Variants in UGT1A8 observed in about 807,000 individuals in gnomAD.
UGT1A8 encodes the protein UDP-glucuronosyltransferase 1A8.
A neutral mutation model predicts 45.3 loss-of-function variants in UGT1A8; 39 were observed. The observed-to-expected ratio is 0.86, with a 90% CI of 0.67 to 1.12. UGT1A8 has a LOEUF of 1.12. Ranked by LOEUF, UGT1A8 falls within the 50% of genes most tolerant of loss-of-function variation. The pLI is 0.00. For synonymous variants in UGT1A8, 275 were observed against 249.2 expected, an observed-to-expected ratio of 1.10 and a Z score of -0.97; for missense variants, 719 against 664.9, an observed-to-expected ratio of 1.08 and a Z score of -0.90.
At chr2:233,678,927 G>A (rs1490462995) in intron 1 of UGT1A8, among the ~76,000 whole-genome samples, 1 of 152,098 alleles carries the variant, frequency 6.6e-6, no homozygotes, top group Non-Finnish European at 1.5e-5. Context: ...TGCAACATCT[G>A]GTCACAGTTT....
chr2:233,748,129 T>C, intron 1 of UGT1A8: 1 of 1,610,122 alleles, frequency 6.2e-7, no homozygotes, highest in Non-Finnish European at 8.5e-7. Flanking sequence ...AAACAGTTTT[T>C]AAAAATTGTA....
chr2:233,689,372 G>A (rs2074939613), intron 1 of UGT1A8, among the ~76,000 whole-genome samples: 1 of 152,256 alleles, frequency 6.6e-6, no homozygotes, highest in Non-Finnish European at 1.5e-5. Context: ...AGGGCACAAA[G>A]CAAGGAGTGT....
At chr2:233,755,393 A>C in intron 1 of UGT1A8, 1 of 341,520 alleles carries the variant, frequency 2.9e-6, no homozygotes, top group South Asian at 2.4e-5. Context: ...TGACGCAGCC[A>C]CATCTCATTG....
chr2:233,675,295 C>T (rs1028669928), intron 1 of UGT1A8, among the ~76,000 whole-genome samples: 3 of 152,086 alleles, frequency 2.0e-5, no homozygotes, highest in Non-Finnish European at 4.4e-5. Context: ...TACATTCCAG[C>T]GTTCTAATGT....
At chr2:233,682,184 C>G in intron 1 of UGT1A8, 1 of 1,614,234 alleles carries the variant, frequency 6.2e-7, no homozygotes, top group Non-Finnish European at 8.5e-7. Context: ...CTCATACACT[C>G]TGGAGGATCA....
chr2:233,754,888 TC>T (rs1267337682), intron 1 of UGT1A8: 34 of 1,351,412 alleles, frequency 2.5e-5, no homozygotes, highest in Non-Finnish European at 3.4e-5. Flanking sequence ...CCCAGGGAGT[TC>T]CTCTGACCCC....
chr2:233,638,695 T>A (rs1170475089), intron 1 of UGT1A8, among the ~76,000 whole-genome samples: 1 of 152,186 alleles, frequency 6.6e-6, no homozygotes, highest in Non-Finnish European at 1.5e-5. Context: ...CACATTTTTA[T>A]GTATTGTTCT....
chr2:233,703,766 C>T (rs1275081349), intron 1 of UGT1A8, among the ~76,000 whole-genome samples: 1 of 151,886 alleles, frequency 6.6e-6, no homozygotes, highest in Non-Finnish European at 1.5e-5. Context: ...CTTCTGCAGA[C>T]AAGATATTAT....
In UGT1A8 at chr2:233,669,372, T is replaced by C. The variant is rs116496121; in HGVS notation, c.855+50810T>C. On this transcript the variant is annotated intron_variant, in intron 1 of 4. Transcript: ENST00000373450. ...AAAAGATAGCCTGCTGGAATTTAGA[T>C]TGGGGTTGTATTAAATTTATAGATC... Among the ~76,000 whole-genome samples the C allele has an allele frequency of 1.2e-4, 19 of 152,158 alleles. 1 individual carries two copies. Among genetic ancestry groups the C allele is most frequent in the Admixed American group, 1.2e-3 (19 of 15,278 alleles).
At chr2:233,760,612 G>C in intron 1 of UGT1A8, 1 of 1,614,218 alleles carries the variant, frequency 6.2e-7, no homozygotes, top group South Asian at 1.1e-5. Flanking sequence ...CCTGCAGCGT[G>C]TGATCAAAAC....
intron 1 of UGT1A8, among the ~76,000 whole-genome samples, chr2:233,655,562 A>G (rs2073835813): frequency 6.6e-6 from 1 of 152,168 alleles, no homozygotes; most frequent in South Asian, 2.1e-4. Flanking sequence ...AGATAAAGTC[A>G]TCTTGTCCTA....
intron 1 of UGT1A8, chr2:233,647,793 TAG>T (rs1328418370): frequency 5.9e-6 from 4 of 683,506 alleles, no homozygotes; most frequent in Non-Finnish European, 9.2e-6. Flanking sequence ...TCAGTCTGGG[TAG>T]AGATTTATCA....
At chr2:233,746,132 G>C (rs998349575) in intron 1 of UGT1A8, among the ~76,000 whole-genome samples, 5 of 151,792 alleles carry the variant, frequency 3.3e-5, no homozygotes, top group African/African-American at 1.2e-4. Context: ...CTGTGGACTG[G>C]CACCTGAGTG....
At chr2:233,694,075 T>C (rs2075199005) in intron 1 of UGT1A8, among the ~76,000 whole-genome samples, 1 of 152,176 alleles carries the variant, frequency 6.6e-6, no homozygotes, top group African/African-American at 2.4e-5. Flanking sequence ...GGCTCATGCT[T>C]GGCAAGAGTA....
At chr2:233,718,680 G>C in intron 1 of UGT1A8, 1 of 1,570,166 alleles carries the variant, frequency 6.4e-7, no homozygotes, top group South Asian at 1.2e-5. Flanking sequence ...TGGGTAATAA[G>C]TAACTGGAGG....
chr2:233,765,512 A>T (rs1230847041), intron 1 of UGT1A8, among the ~76,000 whole-genome samples: 5 of 152,144 alleles, frequency 3.3e-5, no homozygotes, highest in African/African-American at 1.2e-4. Flanking sequence ...AGGAACAGAA[A>T]ATCAAACACC....
intron 1 of UGT1A8, among the ~76,000 whole-genome samples, chr2:233,736,718 T>C (rs1407462438): frequency 1.3e-5 from 2 of 152,092 alleles, no homozygotes; most frequent in East Asian, 3.9e-4. Flanking sequence ...ATGTCCTTTT[T>C]GTTGATGTTT....
intron 1 of UGT1A8, chr2:233,691,046 A>G: frequency 1.0e-6 from 1 of 988,608 alleles, no homozygotes; most frequent in Non-Finnish European, 1.2e-6. Context: ...CGTCCACAGC[A>G]GAGTGGAGGT....
In UGT1A8 at chr2:233,772,491, T is replaced by C; in HGVS notation, c.1525T>C (p.Tyr509His). The C allele has an allele frequency of 6.2e-7, 1 of 1,614,160 alleles. No homozygotes were observed. Among genetic ancestry groups the C allele is most frequent in the South Asian group, 1.1e-5 (1 of 91,082 alleles). Reference sequence around the variant, plus strand: ...CTTCATCACCTTTAAATGTTGTGCTTATGGCTACCGGAAATGCTTGGGGAA... The same window carrying C: ...CTTCATCACCTTTAAATGTTGTGCTCATGGCTACCGGAAATGCTTGGGGAA... ...VAFITFKCCA[Y>H]GYRKCLGKKG... Residue 509 changes from tyrosine to histidine, a missense_variant, in exon 5 of 5, where the codon TAT becomes CAT. Physicochemically the swap from Tyr to His is moderately conservative, Grantham distance 83 (BLOSUM62 2). Coordinates refer to ENST00000373450, the MANE Select transcript of UGT1A8 (RefSeq NM_019076.5).
Sources: allele counts gnomAD v4.1 joint callset (sites outside exome capture counted in the v4.1 genomes callset), GRCh38; gene constraint gnomAD v4.1.1; transcripts MANE v1.5; gene names NCBI Gene and HGNC (gene_info 2026-07-23, HGNC 2026-07-21).